Variants in SNRNP40 observed in about 807,000 individuals in gnomAD.
SNRNP40 encodes U5 small nuclear ribonucleoprotein 40 kDa protein.
Under a neutral mutation model 45.8 loss-of-function variants are expected in SNRNP40, and 21 were observed. The observed-to-expected ratio is 0.46, with a 90% confidence interval of 0.32 to 0.66. The LOEUF (loss-of-function observed/expected upper bound fraction) is 0.66, where lower values mean the gene tolerates loss of function less well. Among genes scored for constraint, SNRNP40 ranks in the 30% least tolerant of loss-of-function variants. SNRNP40 has a pLI of 0.03. For missense variants in SNRNP40, 344 were observed against 439.1 expected (o/e 0.78, Z 1.94); for synonymous variants, 142 against 163.8 (o/e 0.87, Z 1.01).
At chr1:31,279,015 G>C (rs1010602118) in intron 5 of SNRNP40, among the ~76,000 whole-genome samples, 11 of 150,092 alleles carry the variant, frequency 7.3e-5, no homozygotes, top group Non-Finnish European at 1.6e-4. Context: ...GGTACAGAGC[G>C]ATTATGTTAA....
At chr1:31,284,584 A>G (rs1226780332) in intron 4 of SNRNP40, among the ~76,000 whole-genome samples, 3 of 152,236 alleles carry the variant, frequency 2.0e-5, no homozygotes, top group Admixed American at 6.5e-5. Flanking sequence ...AAATGATTTA[A>G]AAGTATGGGT....
intron 5 of SNRNP40, among the ~76,000 whole-genome samples, chr1:31,273,420 T>C (rs1222355478): frequency 6.6e-6 from 1 of 150,438 alleles, no homozygotes; most frequent in Non-Finnish European, 1.5e-5. Flanking sequence ...GGTGGTTGGA[T>C]CACCTGAGGT....
At chr1:31,289,053 T>C (rs1473594836) in intron 4 of SNRNP40, among the ~76,000 whole-genome samples, 1 of 152,258 alleles carries the variant, frequency 6.6e-6, no homozygotes, top group Non-Finnish European at 1.5e-5. Context: ...CAATTTATTC[T>C]ATGGTTCTAT....
intron 5 of SNRNP40, among the ~76,000 whole-genome samples, chr1:31,274,255 T>C (rs983636776): frequency 6.6e-6 from 1 of 152,118 alleles, no homozygotes; most frequent in Non-Finnish European, 1.5e-5. Flanking sequence ...ACTGATTGAT[T>C]GAGACCGAGT....
At chr1:31,288,591 G>A (rs867317176) in intron 4 of SNRNP40, among the ~76,000 whole-genome samples, 31 of 151,754 alleles carry the variant, frequency 2.0e-4, no homozygotes, top group African/African-American at 7.3e-4. Context: ...ACTAAACGAT[G>A]TTTAAGTTCC....
chr1:31,287,947 A>AT (rs1646072350), intron 4 of SNRNP40, among the ~76,000 whole-genome samples: 1 of 152,088 alleles, frequency 6.6e-6, no homozygotes, highest in Non-Finnish European at 1.5e-5. Flanking sequence ...CAGTGAGCTG[A>AT]GATTGCGCCA....
chr1:31,295,373 A>G (rs1646139380), intron 1 of SNRNP40, among the ~76,000 whole-genome samples: 1 of 152,180 alleles, frequency 6.6e-6, no homozygotes, highest in Non-Finnish European at 1.5e-5. Flanking sequence ...AGAGAGAAGC[A>G]ATGTGGGTTC....
At chr1:31,289,849 C>A (rs1646090221) in intron 3 of SNRNP40, among the ~76,000 whole-genome samples, 1 of 152,260 alleles carries the variant, frequency 6.6e-6, no homozygotes, top group Middle Eastern at 3.4e-3. Context: ...CAAAGTTTTT[C>A]TTTTGTCTCT....
chr1:31,266,356 G>A (rs1645896966), intron 8 of SNRNP40, among the ~76,000 whole-genome samples: 1 of 152,124 alleles, frequency 6.6e-6, no homozygotes, highest in African/African-American at 2.4e-5. Flanking sequence ...GGGGAGGATA[G>A]GATTAAGCTA....
In SNRNP40 at chr1:31,259,729, A is replaced by T. The variant is rs1388372874; in HGVS notation, c.*343T>A. Reference sequence around the variant, plus strand: ...TACAAAATGATATAGAGAAATACAGAAAGAAAATATCATACAAGCCAGTTA... The same window carrying T: ...TACAAAATGATATAGAGAAATACAGTAAGAAAATATCATACAAGCCAGTTA... On this transcript the variant is annotated 3_prime_UTR_variant, in exon 10 of 10. Coordinates refer to ENST00000263694, the MANE Select transcript of SNRNP40 (RefSeq NM_004814.3). 1 of 481,866 alleles carries T rather than the reference A, an allele frequency of 2.1e-6. No homozygotes were observed. Among genetic ancestry groups the T allele is most frequent in the East Asian group, 5.3e-5 (1 of 19,034 alleles). 29.8% of individuals were successfully genotyped at this position (481,866 alleles called of 1,614,324 possible).
intron 5 of SNRNP40, among the ~76,000 whole-genome samples, chr1:31,278,293 C>T (rs1005558303): frequency 2.0e-5 from 3 of 152,176 alleles, no homozygotes; most frequent in African/African-American, 7.2e-5. Flanking sequence ...ATACTATTGA[C>T]AGTAAGTAGA....
chr1:31,260,223 T>A, intron 9 of SNRNP40, 102 bp from the exon 10 acceptor site: 1 of 745,238 alleles, frequency 1.3e-6, no homozygotes, highest in South Asian at 2.0e-5. Flanking sequence ...AAAAGAGCAA[T>A]TGGACTTAGC....
At chr1:31,296,355 A>G (rs993321037) in intron 1 of SNRNP40, among the ~76,000 whole-genome samples, 3 of 152,134 alleles carry the variant, frequency 2.0e-5, no homozygotes. Flanking sequence ...CAGGGTTTTG[A>G]GCCCAAGGTC....
chr1:31,277,080 C>A (rs1416583227), intron 5 of SNRNP40, among the ~76,000 whole-genome samples: 1 of 151,978 alleles, frequency 6.6e-6, no homozygotes, highest in African/African-American at 2.4e-5. Context: ...ACCTATAGTC[C>A]CAGCTACTTG....
At chr1:31,292,147 G>C (rs1490460978) in intron 2 of SNRNP40, 141 bp from the exon 3 acceptor site, 1 of 490,518 alleles carries the variant, frequency 2.0e-6, no homozygotes, top group Non-Finnish European at 3.8e-6. Context: ...TGGATCACTT[G>C]AGGTCAGGAG....
At chr1:31,261,684 G>C (rs1569628971) in intron 8 of SNRNP40, 52 bp from the exon 9 acceptor site, 2 of 1,138,088 alleles carry the variant, frequency 1.8e-6, no homozygotes, top group East Asian at 2.4e-5. Flanking sequence ...CTGGGGGTAG[G>C]ACAGAGGCAT....
intron 8 of SNRNP40, among the ~76,000 whole-genome samples, chr1:31,265,402 T>A (rs1645888983): frequency 6.6e-6 from 1 of 152,062 alleles, no homozygotes; most frequent in Admixed American, 6.5e-5. Context: ...AGTGTTGGGA[T>A]TAAAGGTGTG....
chr1:31,291,955 T>C lies in SNRNP40; in HGVS notation c.323A>G (p.His108Arg). ...ATGCAATTCCATCACTGCTCCACTG[T>C]GTCCCTTCAGTGTGGCATAGTTATC... Reference protein sequence around the residue: ...DCDNYATLKGHSGAVMELHYN... With the variant: ...DCDNYATLKGRSGAVMELHYN... The change falls in exon 3 of 10, where the codon CAC becomes CGC. Residue 108 changes from histidine to arginine, a missense_variant. Transcript: ENST00000263694. 2 of 1,613,646 alleles carry C rather than the reference T, an allele frequency of 1.2e-6. No individual in the cohort carries two copies. The highest frequency in any genetic ancestry group is 8.5e-7 in the Non-Finnish European group (1 of 1,179,510).
chr1:31,289,574 A>T (rs368690298), intron 3 of SNRNP40, among the ~76,000 whole-genome samples, 155 bp from the exon 4 acceptor site: 3 of 152,204 alleles, frequency 2.0e-5, no homozygotes, highest in African/African-American at 2.4e-5. Context: ...TCACCCTACC[A>T]AAATCCTATT....
Sources: gnomAD v4.1 joint callset for allele counts (sites outside exome capture counted in the v4.1 genomes callset) on GRCh38, gnomAD v4.1.1 for gene constraint, MANE v1.5 for transcripts, NCBI Gene and HGNC (gene_info 2026-07-23, HGNC 2026-07-21) for gene names.